Variants in POU2F3 observed in about 807,000 individuals in gnomAD.
The protein encoded by POU2F3 is POU class 2 homeobox 3, also known as POU domain, class 2, transcription factor 3.
Under a neutral mutation model 59.2 loss-of-function variants are expected in POU2F3, and 23 were observed. The ratio of observed to expected loss-of-function variants is 0.39; its 90% confidence interval spans 0.28 to 0.55. The LOEUF (loss-of-function observed/expected upper bound fraction) is 0.55, where lower values mean the gene tolerates loss of function less well. Ranked by LOEUF, POU2F3 falls within the 20% of genes least tolerant of loss-of-function variation. The probability of loss-of-function intolerance (pLI) is 0.66; values close to 1 mark genes in which losing one functional copy is unlikely to be tolerated. For synonymous variants in POU2F3, 190 were observed against 214.6 expected (o/e 0.89, Z 1.00); for missense variants, 473 against 544.5 (o/e 0.87, Z 1.31).
chr11:120,274,057 GAAAGAGAGAAAGAAAGAA>G (rs1239068495), intron 3 of POU2F3, among the ~76,000 whole-genome samples: 1 of 147,674 alleles, frequency 6.8e-6, no homozygotes, highest in Non-Finnish European at 1.5e-5. Flanking sequence ...AGGAAAGAAA[GAAAGAGAGAAAGAAAGAA>G]AAAGAGAGAA....
At chr11:120,253,642 G>A (rs1026705019) in intron 2 of POU2F3, 15 of 152,170 alleles carry the variant, frequency 9.9e-5, no homozygotes, top group African/African-American at 2.7e-4. Flanking sequence ...TGGTCGTTGC[G>A]GGGACTTTCT....
intron 3 of POU2F3, among the ~76,000 whole-genome samples, chr11:120,273,317 T>C (rs755725626): frequency 6.6e-6 from 1 of 152,232 alleles, no homozygotes; most frequent in Non-Finnish European, 1.5e-5. Context: ...ACTGCAACGA[T>C]GCATAGTGAA....
chr11:120,237,327 C>T (rs917900228), upstream of POU2F3, among the ~76,000 whole-genome samples: 12 of 152,012 alleles, frequency 7.9e-5, no homozygotes, highest in Non-Finnish European at 1.5e-4. Flanking sequence ...CCTCTCCCCA[C>T]CCAGCCCCTT....
chr11:120,247,328 A>G (rs1227834069), intron 2 of POU2F3, among the ~76,000 whole-genome samples: 20 of 152,220 alleles, frequency 1.3e-4, no homozygotes, highest in Admixed American at 1.3e-3. Flanking sequence ...AAGAGAATCA[A>G]TGTCCCCCAG....
intron 9 of POU2F3, among the ~76,000 whole-genome samples, chr11:120,309,038 T>C (rs1591442333): frequency 6.9e-6 from 1 of 145,500 alleles, no homozygotes; most frequent in African/African-American, 2.5e-5. Flanking sequence ...GCAGCAGCTC[T>C]GGGGACTCTA....
upstream of POU2F3, among the ~76,000 whole-genome samples, chr11:120,236,865 C>T (rs1591364392): frequency 6.6e-6 from 1 of 152,206 alleles, no homozygotes; most frequent in Non-Finnish European, 1.5e-5. Flanking sequence ...CCTCAGGGCA[C>T]ATGAGGGAGA....
At chr11:120,257,063 T>A (rs931636573) in intron 2 of POU2F3, 20 of 152,238 alleles carry the variant, frequency 1.3e-4, no homozygotes, top group Non-Finnish European at 5.9e-5. Context: ...GTCCTGTGTA[T>A]AAAATGTTTA....
intron 4 of POU2F3, among the ~76,000 whole-genome samples, chr11:120,299,189 C>T (rs1217550995): frequency 4.6e-5 from 7 of 152,180 alleles, no homozygotes; most frequent in African/African-American, 1.7e-4. Flanking sequence ...GATTCTGGCC[C>T]AGGAAACAGC....
intron 3 of POU2F3, among the ~76,000 whole-genome samples, chr11:120,293,970 A>C (rs1013546796): frequency 1.3e-5 from 2 of 152,082 alleles, no homozygotes; most frequent in African/African-American, 4.8e-5. Flanking sequence ...TGAGTTTATA[A>C]CCATCTCTGA....
chr11:120,237,480 A>ACC (rs895401723), upstream of POU2F3, among the ~76,000 whole-genome samples: 9 of 151,708 alleles, frequency 5.9e-5, no homozygotes, highest in African/African-American at 2.2e-4. Context: ...TCCCCCCAGA[A>ACC]CCCCAGAATC....
chr11:120,257,161 G>A (rs138144137), intron 2 of POU2F3, among the ~76,000 whole-genome samples: 1 of 152,300 alleles, frequency 6.6e-6, no homozygotes, highest in East Asian at 1.9e-4. Context: ...TGCTGCCAAA[G>A]TGTTGGAAAA....
intron 5 of POU2F3, among the ~76,000 whole-genome samples, chr11:120,300,623 G>A (rs1173146199): frequency 1.3e-5 from 2 of 152,158 alleles, no homozygotes; most frequent in African/African-American, 2.4e-5. Context: ...AATTTGCCGG[G>A]TGTGGTGGTG....
At chr11:120,299,035 C>T (rs78530725) in intron 4 of POU2F3, among the ~76,000 whole-genome samples, 1,532 of 152,286 alleles carry the variant, frequency 0.01, 16 homozygotes, top group Middle Eastern at 0.037. Flanking sequence ...GAGGACTCCC[C>T]GATCCCCCAA....
At chr11:120,283,270 T>A (rs1370211134) in intron 3 of POU2F3, among the ~76,000 whole-genome samples, 5 of 152,170 alleles carry the variant, frequency 3.3e-5, no homozygotes, top group Non-Finnish European at 7.4e-5. Context: ...TTCTGGCTAT[T>A]TAGGGCACTC....
rs1276780091 is a variant in POU2F3, at chr11:120,307,461, T to C, written c.770-18T>C. On this transcript the variant is annotated intron_variant, in intron 8 of 12. Transcript: ENST00000543440. Reference sequence around the variant, plus strand: ...ATCCCCTTCTCTGAGCTTCCTCTGGTCCTTCGTGTCCCTGCAGAGTCCTCT... The same window carrying C: ...ATCCCCTTCTCTGAGCTTCCTCTGGCCCTTCGTGTCCCTGCAGAGTCCTCT... The C allele has an allele frequency of 6.2e-7, 1 of 1,613,338 alleles. No individual in the cohort carries two copies.
intron 2 of POU2F3, among the ~76,000 whole-genome samples, chr11:120,263,474 G>T (rs953045030): frequency 2.6e-5 from 4 of 152,212 alleles, no homozygotes; most frequent in African/African-American, 9.7e-5. Context: ...CTACTTTTAT[G>T]TATTGCTTTC....
At chr11:120,273,089 G>A (rs867459396) in intron 3 of POU2F3, among the ~76,000 whole-genome samples, 12 of 152,190 alleles carry the variant, frequency 7.9e-5, no homozygotes, top group South Asian at 4.1e-4. Context: ...AAATCAGGAA[G>A]AAAGTCACCC....
At chr11:120,272,327 T>C (rs1940111819) in intron 3 of POU2F3, among the ~76,000 whole-genome samples, 1 of 152,134 alleles carries the variant, frequency 6.6e-6, no homozygotes, top group South Asian at 2.1e-4. Flanking sequence ...CCAGAGCCCA[T>C]TTTTCCCATG....
intron 3 of POU2F3, among the ~76,000 whole-genome samples, chr11:120,282,105 G>C (rs2135236334): frequency 6.6e-6 from 1 of 152,292 alleles, no homozygotes; most frequent in Non-Finnish European, 1.5e-5. Flanking sequence ...TCCGTTTCCA[G>C]ATGACAGTGC....
Sources: gnomAD v4.1 joint callset for allele counts (sites outside exome capture counted in the v4.1 genomes callset) on GRCh38, gnomAD v4.1.1 for gene constraint, MANE v1.5 for transcripts, NCBI Gene and HGNC (gene_info 2026-07-23, HGNC 2026-07-21) for gene names.